The following GNL2 variants were observed in gnomAD, a reference collection of about 807,000 sequenced individuals.
GNL2 encodes G protein nucleolar 2, also known as nucleolar GTP-binding protein 2.
A neutral mutation model predicts 92.3 loss-of-function variants in GNL2; 51 were observed. That is an observed-to-expected ratio of 0.55 (90% confidence interval 0.44 to 0.70). GNL2 has a LOEUF of 0.70. Ranked by LOEUF, GNL2 falls within the 30% of genes least tolerant of loss-of-function variation. The pLI, the probability that GNL2 is intolerant of heterozygous loss-of-function variation, is 0.00. For synonymous variants in GNL2, 283 were observed against 300.6 expected (o/e 0.94, Z 0.61); for missense variants, 844 against 895.6 (o/e 0.94, Z 0.74).
intron 1 of GNL2, among the ~76,000 whole-genome samples, chr1:37,595,262 A>C (rs1221564421): frequency 3.3e-5 from 5 of 152,200 alleles, no homozygotes; most frequent in Admixed American, 2.0e-4. Flanking sequence ...CACATCTCCT[A>C]AACAGCCTTA....
In GNL2 at chr1:37,590,726, G is replaced by A. The variant is rs771945248; in HGVS notation, c.364C>T (p.His122Tyr). ...CTTACATGAGGCCGGATTCGATCAT[G>A]GAGAAGAGACATTGGTAACTTGCTT... is the stretch of plus-strand genomic sequence containing the variant. ...KQSKLPMSLL[H>Y]DRIRPHNLKV... is the part of the protein sequence containing the mutation. Residue 122 changes from histidine to tyrosine, a missense_variant, in exon 4 of 16, where the codon CAT (histidine) becomes TAT (tyrosine). Physicochemically the swap from His to Tyr is moderately conservative, Grantham distance 83. Coordinates refer to ENST00000373062, the MANE Select transcript of GNL2 (RefSeq NM_013285.3). 2 of 1,613,562 alleles carry A rather than the reference G, an allele frequency of 1.2e-6. No individual in the cohort carries two copies. Among genetic ancestry groups the A allele is most frequent in the South Asian group, 2.2e-5 (2 of 91,066 alleles).
intron 10 of GNL2, 111 bp from the exon 11 acceptor site, chr1:37,574,934 G>C: frequency 1.3e-6 from 1 of 744,828 alleles, no homozygotes; most frequent in Non-Finnish European, 2.2e-6. Flanking sequence ...CACAAAGCTC[G>C]TGGAGATTGG....
In GNL2 at chr1:37,566,877, T is replaced by G. The variant is rs1165869046; in HGVS notation, c.2174A>C (p.Lys725Thr). The G allele has an allele frequency of 6.2e-7, 1 of 1,613,454 alleles. No homozygotes were observed. The highest frequency in any genetic ancestry group is 1.1e-5 in the South Asian group (1 of 90,732). The change falls in exon 16 of 16, where the codon AAA becomes ACA. Residue 725 changes from lysine to threonine, a missense_variant. Coordinates refer to ENST00000373062, the MANE Select transcript of GNL2 (RefSeq NM_013285.3). ...NDSEGQKHKR[K>T]KFRQKQ The stretch of plus-strand genomic sequence containing the variant: ...ACATTACTGCTTTTGTCTGAATTTT[T>G]TGCGTTTGTGTTTCTGTCCCTCTGA...
chr1:37,589,563 C>T (rs1245763359), intron 4 of GNL2, among the ~76,000 whole-genome samples: 2 of 152,208 alleles, frequency 1.3e-5, no homozygotes, highest in Non-Finnish European at 2.9e-5. Flanking sequence ...GCCTTGGCTT[C>T]CCAAAGTGCT....
Position 37,593,751 on chromosome 1 carries a change from C to T in GNL2, c.149+11G>A. On this transcript the variant is annotated intron_variant, in intron 2 of 15. Transcript: ENST00000373062. ...AGGAAAAGAGAAAGGATGACAGCAC[C>T]CAGTGCTCACCTGCGCTCCTTTTGC... is the stretch of plus-strand genomic sequence containing the variant. 1.9e-6 allele frequency: 3 copies of T among 1,596,432 alleles called. No individual in the cohort carries two copies. The highest frequency in any genetic ancestry group is 2.6e-6 in the Non-Finnish European group (3 of 1,164,210).
chr1:37,578,016 A>G (rs1268843050), intron 8 of GNL2, among the ~76,000 whole-genome samples: 3 of 152,224 alleles, frequency 2.0e-5, no homozygotes, highest in African/African-American at 7.2e-5. Context: ...CTGAGTTCCC[A>G]GAACTCTAGC....
At chr1:37,569,589 T>C (rs1643564479) in intron 12 of GNL2, 3 of 325,464 alleles carry the variant, frequency 9.2e-6, no homozygotes, top group Non-Finnish European at 1.7e-5. Context: ...AAAGCAAGGC[T>C]CCCTAGACCT....
rs200067085 is a variant in GNL2, at chr1:37,593,807, C to G, written c.104G>C (p.Arg35Pro). The part of the protein sequence containing the change: ...QGAGGQNMRD[R>P]ATIRRLNMYR... ...CATATTCAGGCGCCGGATGGTGGCC[C>G]GGTCCCTCATGTTTTGGCCTCCTGC... Residue 35 changes from arginine (R) to proline (P), a missense_variant, in exon 2 of 16, where the codon CGG becomes CCG. Physicochemically the swap from Arg to Pro is moderately radical, Grantham distance 103. Coordinates refer to ENST00000373062, the MANE Select transcript of GNL2 (RefSeq NM_013285.3). The G allele has an allele frequency of 1.1e-4, 171 of 1,614,000 alleles. No individual in the cohort carries two copies. The highest frequency in any genetic ancestry group is 1.4e-4 in the Non-Finnish European group (163 of 1,179,972).
chr1:37,574,740 T>A lies in GNL2; in HGVS notation c.1227A>T (p.Thr409=). 1 of 1,613,764 alleles carries A rather than the reference T, an allele frequency of 6.2e-7. No individual in the cohort carries two copies. Among genetic ancestry groups the A allele is most frequent in the Non-Finnish European group, 8.5e-7 (1 of 1,179,624 alleles). The change falls in exon 11 of 16, where the codon ACA becomes ACT. Residue 409 remains threonine (T), a synonymous_variant. Coordinates refer to ENST00000373062, the MANE Select transcript of GNL2 (RefSeq NM_013285.3). ...ERAKPEYISK[T]YKIDSWENAE... is the part of the protein sequence containing the mutation. Reference sequence around the variant, plus strand: ...CATTCTCCCAAGAATCAATCTTGTATGTTTTGCTGATATATTCTGGCTTTG... The same window carrying A: ...CATTCTCCCAAGAATCAATCTTGTAAGTTTTGCTGATATATTCTGGCTTTG...
Position 37,575,491 on chromosome 1 carries a change from G to T in GNL2, c.1143+104C>A. On this transcript the variant is annotated intron_variant, in intron 10 of 15. Transcript: ENST00000373062. This position sits in a 1 kb window ranked among gnomAD's most constrained non-coding sequence, Gnocchi z 4.1. Reference sequence around the variant, plus strand: ...TTCCTAAAGTTTGGTCAGACAGGCTGACCCCAAACTGCCTTCTTAATAAGT... The same window carrying T: ...TTCCTAAAGTTTGGTCAGACAGGCTTACCCCAAACTGCCTTCTTAATAAGT... The T allele has an allele frequency of 1.6e-6, 1 of 625,914 alleles. No individual in the cohort carries two copies. Among genetic ancestry groups the T allele is most frequent in the Non-Finnish European group, 2.8e-6 (1 of 361,480 alleles). The allele number at this position is 625,914 out of a possible 1,614,324, so 38.8% of individuals were successfully genotyped here.
chr1:37,592,484 G>C (rs2148145406), intron 3 of GNL2, among the ~76,000 whole-genome samples: 1 of 152,260 alleles, frequency 6.6e-6, no homozygotes, highest in East Asian at 1.9e-4. Context: ...GGTCTTATCT[G>C]CTTAAGAGGG....
intron 14 of GNL2, 192 bp from the exon 15 acceptor site, chr1:37,567,956 G>A (rs1368939763): frequency 1.7e-6 from 1 of 601,250 alleles, no homozygotes; most frequent in Admixed American, 3.0e-5. Context: ...CTCTCAGTGT[G>A]AAAGCTGATG....
intron 12 of GNL2, among the ~76,000 whole-genome samples, chr1:37,572,632 C>A (rs215202): frequency 2.7e-4 from 41 of 152,314 alleles, no homozygotes; most frequent in African/African-American, 9.6e-4. Flanking sequence ...GCCTCTCCCC[C>A]ATACCTTACC....
At chr1:37,592,389 C>A (rs1391553813) in intron 3 of GNL2, among the ~76,000 whole-genome samples, 1 of 152,160 alleles carries the variant, frequency 6.6e-6, no homozygotes, top group Non-Finnish European at 1.5e-5. Context: ...ACCTACAAGG[C>A]CACCTCTCCA....
Position 37,582,313 on chromosome 1 carries a change from G to A in GNL2, c.819C>T (p.Ser273=). 6 of 1,612,100 alleles carry A rather than the reference G, an allele frequency of 3.7e-6. No homozygotes were observed. The highest frequency in any genetic ancestry group is 5.1e-6 in the Non-Finnish European group (6 of 1,178,948). ...GGAAAGCAAGTGTTGGATAATCCTGGGAGAGGACAGCAACCCACCGTTTCT... is the reference window on the plus strand; with the variant it reads ...GGAAAGCAAGTGTTGGATAATCCTGAGAGAGGACAGCAACCCACCGTTTCT... The part of the protein sequence containing the change: ...WATKRWVAVL[S]QDYPTLAFHA... The change falls in exon 8 of 16, where the codon TCC becomes TCT. Residue 273 remains serine, a synonymous_variant. Coordinates refer to ENST00000373062, the MANE Select transcript of GNL2 (RefSeq NM_013285.3).
chr1:37,566,906 A>G lies in GNL2; in HGVS notation c.2145T>C (p.Asn715=). 1 of 1,614,068 alleles carries G rather than the reference A, an allele frequency of 6.2e-7. No individual in the cohort carries two copies. Residue 715 remains asparagine (N), a synonymous_variant, in exon 16 of 16, where the codon AAT becomes AAC. Transcript: ENST00000373062. Reference sequence around the variant, plus strand: ...GTTTGTGTTTCTGTCCCTCTGAGTCATTGGTCTTCTTTTTGTTCCTGTTCC... The same window carrying G: ...GTTTGTGTTTCTGTCCCTCTGAGTCGTTGGTCTTCTTTTTGTTCCTGTTCC... ...KNRNRNKKKT[N]DSEGQKHKRK... is the part of the protein sequence containing the mutation.
intron 4 of GNL2, among the ~76,000 whole-genome samples, chr1:37,589,554 C>T (rs1000230444): frequency 2.0e-5 from 3 of 152,234 alleles, no homozygotes; most frequent in African/African-American, 7.2e-5. Flanking sequence ...GATCCACCCG[C>T]CTTGGCTTCC....
intron 8 of GNL2, among the ~76,000 whole-genome samples, chr1:37,577,522 GA>G (rs1643698259): frequency 2.0e-5 from 3 of 152,172 alleles, no homozygotes; most frequent in Non-Finnish European, 4.4e-5. Flanking sequence ...ACCAGAGAAT[GA>G]GATGGAGATG....
chr1:37,594,960 C>G (rs1034188531), intron 1 of GNL2, among the ~76,000 whole-genome samples: 3 of 152,204 alleles, frequency 2.0e-5, no homozygotes, highest in Admixed American at 6.5e-5. Context: ...TCTACTACTA[C>G]TCACTAACTG....
Sources: gnomAD v4.1 joint callset for allele counts (sites outside exome capture counted in the v4.1 genomes callset) on GRCh38, gnomAD v4.1.1 for gene constraint, Gnocchi (gnomAD v3.1) non-coding constraint, MANE v1.5 for transcripts, NCBI Gene and HGNC (gene_info 2026-07-23, HGNC 2026-07-21) for gene names.